LOXL2: variants seen among roughly 807,000 people sequenced by gnomAD.
LOXL2 encodes the protein lysyl oxidase like 2, also known as lysyl oxidase homolog 2.
LOXL2 carries 70 observed loss-of-function variants against 93.0 expected under a neutral mutation model. That is an observed-to-expected ratio of 0.75 (90% CI 0.62 to 0.92). LOXL2 has a LOEUF of 0.92. LOXL2 is among the 40% of genes least tolerant of loss of function. The pLI, the probability that LOXL2 is intolerant of heterozygous loss-of-function variation, is 0.00. For synonymous variants in LOXL2, 438 were observed against 413.2 expected, an observed-to-expected ratio of 1.06 and a Z score of -0.73; for missense variants, 973 against 1,054.9, an observed-to-expected ratio of 0.92 and a Z score of 1.08.
intron 2 of LOXL2, 91 bp downstream of exon 2, chr8:23,367,906 G>C (rs944545694): frequency 3.9e-6 from 4 of 1,027,180 alleles, no homozygotes; most frequent in East Asian, 2.4e-5. Context: ...TTCGCAGTGC[G>C]TGCAGCCTCC....
At chr8:23,330,048 A>G (rs574614769) in intron 5 of LOXL2, among the ~76,000 whole-genome samples, 1 of 152,302 alleles carries the variant, frequency 6.6e-6, no homozygotes, top group South Asian at 2.1e-4. Flanking sequence ...AAACAGGGCC[A>G]GGTGCGGTGG....
intron 1 of LOXL2, among the ~76,000 whole-genome samples, chr8:23,380,635 A>AG (rs1804669343): frequency 6.6e-6 from 1 of 150,502 alleles, no homozygotes; most frequent in Admixed American, 6.6e-5. Context: ...TTACTCTTAA[A>AG]GTTTTTTTTT....
At chr8:23,347,410 C>A (rs1804010977) in intron 3 of LOXL2, among the ~76,000 whole-genome samples, 1 of 151,994 alleles carries the variant, frequency 6.6e-6, no homozygotes, top group Admixed American at 6.6e-5. Flanking sequence ...GTGAACCCAG[C>A]ACTTTGGGAG....
chr8:23,385,070 A>G (rs1223248565), intron 1 of LOXL2, among the ~76,000 whole-genome samples: 1 of 130,712 alleles, frequency 7.7e-6, no homozygotes, highest in Non-Finnish European at 1.7e-5. Context: ...GTTTCCTTCA[A>G]CTATGGATAT....
intron 1 of LOXL2, among the ~76,000 whole-genome samples, chr8:23,371,694 G>A (rs910218072): frequency 7.3e-6 from 1 of 137,568 alleles, no homozygotes; most frequent in Non-Finnish European, 1.5e-5. Context: ...GGAGGTTGCA[G>A]TGAGCCGAGG....
intron 10 of LOXL2, among the ~76,000 whole-genome samples, chr8:23,306,344 C>A (rs1427575933): frequency 6.6e-6 from 1 of 152,198 alleles, no homozygotes; most frequent in African/African-American, 2.4e-5. Flanking sequence ...GCGGGGCATC[C>A]AGAATGGACA....
intron 3 of LOXL2, among the ~76,000 whole-genome samples, chr8:23,348,615 C>T (rs555617320): frequency 8.7e-4 from 132 of 152,138 alleles, no homozygotes; most frequent in African/African-American, 2.9e-3. Context: ...CGGTGGCTCA[C>T]GCCTGTAATC....
chr8:23,357,803 A>G (rs1359930969), intron 3 of LOXL2, among the ~76,000 whole-genome samples: 1 of 152,200 alleles, frequency 6.6e-6, no homozygotes, highest in Non-Finnish European at 1.5e-5. Flanking sequence ...TAGGCAGAAC[A>G]AGCTGTGAAG....
intron 3 of LOXL2, among the ~76,000 whole-genome samples, chr8:23,350,980 A>G (rs1023159976): frequency 5.3e-5 from 8 of 151,518 alleles, no homozygotes; most frequent in Non-Finnish European, 8.8e-5. Flanking sequence ...CCACCACACA[A>G]CCTCATGGTG....
At chr8:23,389,680 A>C (rs1804812459) in intron 1 of LOXL2, among the ~76,000 whole-genome samples, 1 of 152,182 alleles carries the variant, frequency 6.6e-6, no homozygotes, top group Admixed American at 6.5e-5. Flanking sequence ...TTAGATTTTC[A>C]AGTGCCCTGA....
chr8:23,346,055 G>A (rs1016294738), intron 3 of LOXL2, among the ~76,000 whole-genome samples: 229 of 146,342 alleles, frequency 1.6e-3, no homozygotes, highest in African/African-American at 5.5e-3. Flanking sequence ...GCGACAGAGC[G>A]AGACTCCGTC....
chr8:23,395,079 C>T (rs980060278), intron 1 of LOXL2, among the ~76,000 whole-genome samples: 3 of 152,092 alleles, frequency 2.0e-5, no homozygotes, highest in Non-Finnish European at 4.4e-5. Context: ...CATGGTGAAA[C>T]CCCGTCTCTA....
intron 12 of LOXL2, 82 bp downstream of exon 12, chr8:23,301,945 T>A: frequency 6.4e-7 from 1 of 1,553,160 alleles, no homozygotes; most frequent in African/African-American, 1.4e-5. Flanking sequence ...TGCCCCTGTG[T>A]GGACACCAAT....
At chr8:23,307,440 A>G (rs1803246908) in intron 10 of LOXL2, among the ~76,000 whole-genome samples, 1 of 152,170 alleles carries the variant, frequency 6.6e-6, no homozygotes, top group East Asian at 1.9e-4. Flanking sequence ...GAAATAAAAT[A>G]GACCACAGGA....
chr8:23,379,967 C>T (rs1345969232), intron 1 of LOXL2, among the ~76,000 whole-genome samples: 1 of 126,892 alleles, frequency 7.9e-6, no homozygotes, highest in East Asian at 1.9e-4. Flanking sequence ...GTCCTACGAG[C>T]CCCAGTGAGA....
chr8:23,350,238 T>C (rs1436438359), intron 3 of LOXL2, among the ~76,000 whole-genome samples: 1 of 152,176 alleles, frequency 6.6e-6, no homozygotes, highest in African/African-American at 2.4e-5. Flanking sequence ...CTGGCTATGT[T>C]GTAATTATCC....
At chr8:23,381,876 C>A (rs1804685345) in intron 1 of LOXL2, among the ~76,000 whole-genome samples, 1 of 152,212 alleles carries the variant, frequency 6.6e-6, no homozygotes, top group South Asian at 2.1e-4. Context: ...GGTGAATGGG[C>A]ACCTGACTGG....
Position 23,341,125 on chromosome 8 carries a change from C to G in LOXL2, c.610G>C (p.Gly204Arg), listed in dbSNP as rs779006391. The G allele has an allele frequency of 6.2e-6, 10 of 1,613,908 alleles. No individual in the cohort carries two copies. Reference protein sequence around the residue: ...TYRKRTPVMEGYVEVKEGKTW... With the variant: ...TYRKRTPVMERYVEVKEGKTW... The stretch of plus-strand genomic sequence containing the variant: ...TTGCCCTCCTTCACCTCCACGTAGC[C>G]CTCCATCACTGGGGTGCGCTTGCGG... The change falls in exon 4 of 14, where the codon GGC (glycine) becomes CGC (arginine). Residue 204 changes from glycine to arginine, a missense_variant. Coordinates refer to ENST00000389131, the MANE Select transcript of LOXL2 (RefSeq NM_002318.3).
chr8:23,373,302 C>T (rs73224497), intron 1 of LOXL2, among the ~76,000 whole-genome samples: 2,749 of 152,194 alleles, frequency 0.018, 37 homozygotes, highest in Non-Finnish European at 0.022. Flanking sequence ...CCTGAGCCAG[C>T]GGAGGGGGGG....
Sources: gnomAD v4.1 joint callset for allele counts (sites outside exome capture counted in the v4.1 genomes callset) on GRCh38, gnomAD v4.1.1 for gene constraint, MANE v1.5 for transcripts, NCBI Gene and HGNC (gene_info 2026-07-23, HGNC 2026-07-21) for gene names.